PRH1: variants seen among roughly 807,000 people sequenced by gnomAD.
PRH1 encodes the protein salivary acidic proline-rich phosphoprotein 1/2.
Under a neutral mutation model 7.9 loss-of-function variants are expected in PRH1, and 7 were observed. That is an observed-to-expected ratio of 0.89 (90% confidence interval 0.50 to 1.67). PRH1 has a LOEUF of 1.67. Ranked by LOEUF, PRH1 falls within the 40% of genes most tolerant of loss-of-function variation. The probability of loss-of-function intolerance (pLI) is 0.00; values close to 1 mark genes in which losing one functional copy is unlikely to be tolerated. For synonymous variants in PRH1, 45 were observed against 80.8 expected (o/e 0.56, Z 2.38); for missense variants, 109 against 223.6 (o/e 0.49, Z 3.27).
At chr12:11,133,947 T>A (rs748299614) in intron 1 of PRH1, 5 of 1,614,132 alleles carry the variant, frequency 3.1e-6, no homozygotes, top group Non-Finnish European at 4.2e-6. Context: ...CTGAGGCTAG[T>A]AGCAAGCCAG....
chr12:11,076,432 T>TTATA (rs1352474128), intron 1 of PRH1, among the ~76,000 whole-genome samples: 1 of 127,426 alleles, frequency 7.8e-6, no homozygotes, highest in Non-Finnish European at 1.7e-5. Flanking sequence ...GGACTTTTTT[T>TTATA]AAGATAGAGA....
intron 2 of PRH1, chr12:10,909,248 G>T (rs149629304): frequency 1.2e-6 from 2 of 1,613,648 alleles, no homozygotes; most frequent in South Asian, 1.1e-5. Flanking sequence ...TCCCAATTAT[G>T]AATTCTGCAA....
intron 2 of PRH1, among the ~76,000 whole-genome samples, chr12:10,948,009 A>G (rs1950513993): frequency 6.6e-6 from 1 of 152,132 alleles, no homozygotes; most frequent in South Asian, 2.1e-4. Context: ...TGTTACCGTG[A>G]TAGAAATCCC....
chr12:11,038,155 T>G (rs1195320412), intron 1 of PRH1, among the ~76,000 whole-genome samples: 36 of 152,276 alleles, frequency 2.4e-4, no homozygotes, highest in Non-Finnish European at 2.9e-5. Context: ...GAGAATATGC[T>G]GTATCACCCT....
intron 1 of PRH1, among the ~76,000 whole-genome samples, chr12:11,113,612 C>A (rs1945651338): frequency 6.6e-6 from 1 of 152,098 alleles, no homozygotes; most frequent in African/African-American, 2.4e-5. Context: ...CATAAAAACC[C>A]TAGAAGAAAA....
chr12:11,088,159 G>A (rs1356953092), intron 1 of PRH1, among the ~76,000 whole-genome samples: 8 of 130,164 alleles, frequency 6.1e-5, no homozygotes, highest in African/African-American at 1.4e-4. Context: ...TGGGTAACAC[G>A]GTGAAATCCT....
intron 1 of PRH1, chr12:11,159,662 C>G (rs1939538481): frequency 6.6e-6 from 1 of 152,068 alleles, no homozygotes. Context: ...TTGTTGCCAC[C>G]ACCAGAAAGA....
chr12:10,908,483 G>A (rs1242889275), intron 2 of PRH1: 5 of 1,613,904 alleles, frequency 3.1e-6, no homozygotes, highest in Non-Finnish European at 3.4e-6. Context: ...TTGAAGGAGA[G>A]AAGACTCCAA....
chr12:11,079,118 A>G (rs1365145759), intron 1 of PRH1: 2 of 114,870 alleles, frequency 1.7e-5, no homozygotes, highest in Non-Finnish European at 4.2e-5. Context: ...TTTTTGTTTA[A>G]ATATTAATTA....
At chr12:10,903,694 A>G (rs1209634858) in intron 2 of PRH1, among the ~76,000 whole-genome samples, 1 of 151,854 alleles carries the variant, frequency 6.6e-6, no homozygotes, top group Non-Finnish European at 1.5e-5. Context: ...CAGGCAAGAA[A>G]AAAAAAGGCA....
intron 2 of PRH1, among the ~76,000 whole-genome samples, chr12:10,968,790 A>C (rs1191770720): frequency 6.6e-6 from 1 of 152,212 alleles, no homozygotes; most frequent in African/African-American, 2.4e-5. Flanking sequence ...GCAGGAACAA[A>C]TTCTGTGCAG....
At chr12:10,969,603 T>A (rs11054102) in intron 2 of PRH1, among the ~76,000 whole-genome samples, 36,963 of 152,076 alleles carry the variant, frequency 0.24, 4,537 homozygotes, top group Non-Finnish European at 0.25. Context: ...AGCAAACATG[T>A]CTTCCAGCAA....
chr12:10,910,726 T>A (rs1949886856), intron 2 of PRH1, among the ~76,000 whole-genome samples: 1 of 152,152 alleles, frequency 6.6e-6, no homozygotes, highest in Admixed American at 6.5e-5. Flanking sequence ...CAAGAAAGAT[T>A]GTCTAATTCA....
chr12:10,917,166 G>A (rs1234407253), intron 2 of PRH1, among the ~76,000 whole-genome samples: 1 of 152,028 alleles, frequency 6.6e-6, no homozygotes, highest in African/African-American at 2.4e-5. Flanking sequence ...GTGAGAATGA[G>A]GTCATTGAAG....
At chr12:11,161,345 A>G (rs562070461) in intron 1 of PRH1, among the ~76,000 whole-genome samples, 1 of 152,384 alleles carries the variant, frequency 6.6e-6, no homozygotes, top group African/African-American at 2.4e-5. Context: ...AGTCTAACAC[A>G]GAAATTGGAA....
chr12:11,106,724 CA>C, intron 1 of PRH1, among the ~76,000 whole-genome samples: 1 of 151,956 alleles, frequency 6.6e-6, no homozygotes, highest in Middle Eastern at 3.4e-3. Flanking sequence ...TTGTTTCTAA[CA>C]GAAGATTGTG....
At chr12:10,962,060 G>A (rs1395029577) in intron 2 of PRH1, among the ~76,000 whole-genome samples, 1 of 152,074 alleles carries the variant, frequency 6.6e-6, no homozygotes, top group African/African-American at 2.4e-5. Flanking sequence ...TTGCTGCCCT[G>A]GACTTACCTT....
chr12:10,986,708 C>CA, intron 1 of PRH1: 3 of 1,612,678 alleles, frequency 1.9e-6, no homozygotes, highest in Non-Finnish European at 2.5e-6. Flanking sequence ...TGGAGACCGC[C>CA]AGAGCAGTGA....
intron 1 of PRH1, among the ~76,000 whole-genome samples, chr12:11,059,036 A>G (rs919358608): frequency 2.6e-5 from 4 of 152,200 alleles, no homozygotes; most frequent in Admixed American, 1.3e-4. Context: ...TGACTTTCAC[A>G]ACCTCCACCT....
Sources: gnomAD v4.1 joint callset for allele counts (sites outside exome capture counted in the v4.1 genomes callset) on GRCh38, gnomAD v4.1.1 for gene constraint, MANE v1.5 for transcripts, NCBI Gene and HGNC (gene_info 2026-07-23, HGNC 2026-07-21) for gene names.